Variants in SULT4A1 observed in about 807,000 individuals in gnomAD.
The protein encoded by SULT4A1 is sulfotransferase family 4A member 1.
SULT4A1 carries 11 observed loss-of-function variants against 35.2 expected under a neutral mutation model. The ratio of observed to expected loss-of-function variants is 0.31; its 90% confidence interval spans 0.20 to 0.52. The LOEUF is 0.52. Among genes scored for constraint, SULT4A1 ranks in the 20% least tolerant of loss-of-function variants. SULT4A1 has a pLI of 0.97. For synonymous variants in SULT4A1, 152 were observed against 151.8 expected (o/e 1.00, Z -0.01); for missense variants, 271 against 383.7 (o/e 0.71, Z 2.45).
chr22:43,859,984 G>A (rs183092955), intron 1 of SULT4A1, among the ~76,000 whole-genome samples: 2 of 152,216 alleles, frequency 1.3e-5, no homozygotes, highest in African/African-American at 2.4e-5. Flanking sequence ...CAAGCAGCAC[G>A]GGGTTGTGGG....
chr22:43,840,827 C>A (rs1340489712), intron 2 of SULT4A1, among the ~76,000 whole-genome samples: 1 of 152,218 alleles, frequency 6.6e-6, no homozygotes, highest in Non-Finnish European at 1.5e-5. Context: ...GCCTGCAACC[C>A]CCAGGCTTGC....
chr22:43,840,265 A>C, intron 2 of SULT4A1, among the ~76,000 whole-genome samples: 1 of 55,362 alleles, frequency 1.8e-5, no homozygotes, highest in East Asian at 4.8e-4. Flanking sequence ...GGACGAGGGA[A>C]GGGGTGGGGG....
At chr22:43,854,807 C>A (rs1183908143) in intron 1 of SULT4A1, among the ~76,000 whole-genome samples, 8 of 152,354 alleles carry the variant, frequency 5.3e-5, no homozygotes, top group Non-Finnish European at 8.8e-5. Context: ...GAACCCCTTT[C>A]CTGGCTTCTT....
chr22:43,835,089 C>G (rs1259945019), intron 4 of SULT4A1, among the ~76,000 whole-genome samples: 1 of 136,346 alleles, frequency 7.3e-6, no homozygotes, highest in Non-Finnish European at 1.6e-5. Context: ...TTCCCGCGCC[C>G]CCACCGCTGC....
At chr22:43,860,490 G>C (rs1175283471) in intron 1 of SULT4A1, among the ~76,000 whole-genome samples, 2 of 152,276 alleles carry the variant, frequency 1.3e-5, no homozygotes, top group Middle Eastern at 3.4e-3. Flanking sequence ...AGCGGGCCGA[G>C]GTGGTCTCTT....
At chr22:43,859,147 T>C (rs994489789) in intron 1 of SULT4A1, among the ~76,000 whole-genome samples, 3 of 152,086 alleles carry the variant, frequency 2.0e-5, no homozygotes, top group Non-Finnish European at 4.4e-5. Flanking sequence ...CCAAGAAAAC[T>C]AGGACATCCA....
intron 1 of SULT4A1, among the ~76,000 whole-genome samples, chr22:43,850,840 C>T (rs566941606): frequency 6.6e-6 from 1 of 152,038 alleles, no homozygotes; most frequent in Non-Finnish European, 1.5e-5. Flanking sequence ...GTCATCCTGT[C>T]TTCTCACTGC....
intron 5 of SULT4A1, among the ~76,000 whole-genome samples, chr22:43,830,848 C>T (rs1018768134): frequency 4.6e-5 from 7 of 152,204 alleles, no homozygotes; most frequent in African/African-American, 1.4e-4. Context: ...CATGGACCCA[C>T]ACCACAGTCC....
intron 4 of SULT4A1, among the ~76,000 whole-genome samples, chr22:43,836,321 C>A (rs1392728635): frequency 7.7e-6 from 1 of 129,810 alleles, no homozygotes; most frequent in African/African-American, 3.1e-5. Flanking sequence ...AGCGTCCTCA[C>A]ACTGCAGGTG....
intron 5 of SULT4A1, among the ~76,000 whole-genome samples, chr22:43,830,571 A>T (rs536930699): frequency 6.6e-6 from 1 of 152,358 alleles, no homozygotes; most frequent in South Asian, 2.1e-4. Flanking sequence ...CCGCAGCAAG[A>T]GGCCGCACAC....
chr22:43,842,047 A>G, intron 1 of SULT4A1, 115 bp from the exon 2 acceptor site: 1 of 1,436,696 alleles, frequency 7.0e-7, no homozygotes, highest in Admixed American at 2.5e-5. Flanking sequence ...GGTGGGGCCC[A>G]GGGCGACTGA....
intron 1 of SULT4A1, among the ~76,000 whole-genome samples, chr22:43,842,563 T>C (rs976266158): frequency 1.3e-5 from 2 of 152,016 alleles, no homozygotes; most frequent in African/African-American, 4.8e-5. Context: ...ACTGCAGACA[T>C]AGCACGGCCA....
intron 1 of SULT4A1, among the ~76,000 whole-genome samples, chr22:43,850,017 C>A (rs1417848164): frequency 2.6e-5 from 4 of 152,192 alleles, no homozygotes; most frequent in African/African-American, 9.6e-5. Context: ...TCCACCCCTG[C>A]CAGTGCCAGA....
intron 1 of SULT4A1, among the ~76,000 whole-genome samples, chr22:43,857,749 C>T (rs2049418274): frequency 6.6e-6 from 1 of 152,120 alleles, no homozygotes; most frequent in African/African-American, 2.4e-5. Flanking sequence ...AACATTTCAG[C>T]AGAAGCTAAA....
intron 1 of SULT4A1, among the ~76,000 whole-genome samples, chr22:43,842,443 T>C (rs55996842): frequency 0.064 from 9,786 of 152,264 alleles, 401 homozygotes; most frequent in Non-Finnish European, 0.095. Flanking sequence ...TAGAACAGTC[T>C]TGGCCACATC....
chr22:43,845,028 G>A (rs1048139608), intron 1 of SULT4A1, among the ~76,000 whole-genome samples: 7 of 152,148 alleles, frequency 4.6e-5, no homozygotes, highest in African/African-American at 1.7e-4. Flanking sequence ...CAGGGAGAAA[G>A]GCGGCCCTCT....
chr22:43,843,501 A>G (rs1278783500), intron 1 of SULT4A1, among the ~76,000 whole-genome samples: 1 of 152,246 alleles, frequency 6.6e-6, no homozygotes, highest in African/African-American at 2.4e-5. Flanking sequence ...AAGGGGAGGA[A>G]GGAATGTCGC....
rs1303240283 is a variant in SULT4A1, at chr22:43,840,005, G to A, written c.321C>T (p.Leu107=). 1.9e-6 allele frequency: 3 copies of A among 1,605,370 alleles called. No homozygotes were observed. Among genetic ancestry groups the A allele is most frequent in the Admixed American group, 3.4e-5 (2 of 58,626 alleles). The part of the protein sequence containing the change: ...DIIKELTSPR[L]IKSHLPYRFL... ...AGCGGTAGGGCAGGTGGCTCTTGAT[G>A]AGGCGGGGAGAGGTCAGTTCCTGCG... Residue 107 remains leucine, a synonymous_variant, in exon 3 of 7, where the codon CTC becomes CTT. Transcript: ENST00000330884.
intron 5 of SULT4A1, among the ~76,000 whole-genome samples, chr22:43,829,709 G>A (rs1041730570): frequency 6.6e-6 from 1 of 152,162 alleles, no homozygotes; most frequent in African/African-American, 2.4e-5. Context: ...ATTTTACCAC[G>A]CCTGACAGCG....
Sources: gnomAD v4.1 joint callset for allele counts (sites outside exome capture counted in the v4.1 genomes callset) on GRCh38, gnomAD v4.1.1 for gene constraint, MANE v1.5 for transcripts, NCBI Gene and HGNC (gene_info 2026-07-23, HGNC 2026-07-21) for gene names.